Variants in STK4 observed in about 807,000 individuals in gnomAD.
STK4 encodes the protein serine/threonine kinase 4.
STK4 carries 30 observed loss-of-function variants against 64.9 expected under a neutral mutation model. The observed-to-expected ratio is 0.46, with a 90% CI of 0.35 to 0.63. STK4 has a LOEUF of 0.63. STK4 is among the 20% of genes least tolerant of loss of function. The pLI is 0.01. For missense variants in STK4, 466 were observed against 598.5 expected, an observed-to-expected ratio of 0.78 and a Z score of 2.31; for synonymous variants, 177 against 199.0, an observed-to-expected ratio of 0.89 and a Z score of 0.93.
rs1022783173 is a variant in STK4 at position 45,077,129 on chromosome 20, C to A, written c.*1953C>A. 1 of 152,126 alleles carries A rather than the reference C, an allele frequency of 6.6e-6. No individual in the cohort carries two copies. Among genetic ancestry groups the A allele is most frequent in the African/African-American group, 2.4e-5 (1 of 41,424 alleles). The allele number at this position is 152,126 out of a possible 1,614,324, so 9.4% of individuals were successfully genotyped here. On this transcript the variant is annotated 3_prime_UTR_variant, in exon 11 of 11. Coordinates refer to ENST00000372806, the MANE Select transcript of STK4 (RefSeq NM_006282.5). ...AGAAAGATTCCTTCCCAAGGTCATGCAGCTAGTAAATGATAGAATCAGGAT... is the reference window on the plus strand; with the variant it reads ...AGAAAGATTCCTTCCCAAGGTCATGAAGCTAGTAAATGATAGAATCAGGAT...
At chr20:45,011,643 A>C (rs1402098207) in intron 9 of STK4, among the ~76,000 whole-genome samples, 4 of 148,818 alleles carry the variant, frequency 2.7e-5, no homozygotes, top group African/African-American at 7.4e-5. Flanking sequence ...ATAACTGAAT[A>C]AATTTTTTAA....
chr20:45,006,140 C>G lies in STK4; in HGVS notation c.1147+4787C>G, dbSNP rs553901587. Among the ~76,000 whole-genome samples, 23 of 151,164 alleles carry G rather than the reference C, an allele frequency of 1.5e-4. 1 individual carries two copies. In the South Asian group the frequency reaches 4.2e-3, roughly 27 times the overall value. ...CTCTGTACTTTTCAATCTAAGGACC[C>G]AGGACTTTATTCAGTTTTAGAAAAT... On this transcript the variant is annotated intron_variant, in intron 9 of 10. Coordinates refer to ENST00000372806, the MANE Select transcript of STK4 (RefSeq NM_006282.5).
At position 44,989,152 on chromosome 20, in the gene STK4, A is replaced by T. The variant is rs532873192; in HGVS notation, c.525+1856A>T. Among the ~76,000 whole-genome samples the T allele has an allele frequency of 1.2e-4, 18 of 152,314 alleles. 1 individual carries two copies. The East Asian group carries it at 3.5e-3, about 29-fold the overall frequency. On this transcript the variant is annotated intron_variant, in intron 5 of 10. Transcript: ENST00000372806. ...GTGATACACAGAGTTGCTGGATCAC[A>T]TGGTAACTCTGTGTTTAATTTTTTA...
chr20:45,060,330 C>G (rs1978881312), intron 10 of STK4, among the ~76,000 whole-genome samples: 1 of 152,218 alleles, frequency 6.6e-6, no homozygotes. Flanking sequence ...GATTAGTTCT[C>G]TGTATCTCAA....
In STK4 at chr20:45,062,297, G is replaced by A. The variant is rs547054902; in HGVS notation, c.1306-12721G>A. Among the ~76,000 whole-genome samples, 4 of 152,208 alleles carry A rather than the reference G, an allele frequency of 2.6e-5. No homozygotes were observed. The East Asian group carries it at 7.7e-4, about 29-fold the overall frequency. Reference sequence around the variant, plus strand: ...TTTTTATGGCTACACAGCATTCCATGGTGTATATGGACCATATTTTCTTTA... The same window carrying A: ...TTTTTATGGCTACACAGCATTCCATAGTGTATATGGACCATATTTTCTTTA... On this transcript the variant is annotated intron_variant, in intron 10 of 10. Transcript: ENST00000372806.
In STK4 at chr20:45,076,275, A is replaced by G. The variant is rs1980506029; in HGVS notation, c.*1099A>G. ...GAACACACAGAATGTCAGAGCTGGA[A>G]GGGACTATAGAGATCATCTGATCTG... On this transcript the variant is annotated 3_prime_UTR_variant, in exon 11 of 11. Transcript: ENST00000372806. This position sits in a 1 kb window ranked among gnomAD's most constrained non-coding sequence, Gnocchi z 4.0. The G allele has an allele frequency of 6.6e-6, 1 of 152,206 alleles. No individual in the cohort carries two copies. The highest frequency in any genetic ancestry group is 1.5e-5 in the Non-Finnish European group (1 of 68,042). 9.4% of individuals were successfully genotyped at this position (152,206 alleles called of 1,614,324 possible).
chr20:45,021,206 T>C (rs964843264), intron 9 of STK4, among the ~76,000 whole-genome samples: 1 of 152,156 alleles, frequency 6.6e-6, no homozygotes, highest in African/African-American at 2.4e-5. Context: ...CCCAGAGTCA[T>C]TGTGAGAGGG....
intron 5 of STK4, among the ~76,000 whole-genome samples, chr20:44,990,295 A>G (rs1411710511): frequency 6.6e-6 from 1 of 151,722 alleles, no homozygotes; most frequent in African/African-American, 2.4e-5. Context: ...GTACTTTTTG[A>G]TACTATTTTA....
intron 10 of STK4, among the ~76,000 whole-genome samples, chr20:45,032,627 A>G (rs1333806804): frequency 6.6e-6 from 1 of 152,194 alleles, no homozygotes; most frequent in East Asian, 1.9e-4. Flanking sequence ...GCTGTGTAGT[A>G]TACCATGTCA....
At chr20:44,985,997 T>C (rs1366576361) in intron 4 of STK4, among the ~76,000 whole-genome samples, 1 of 152,212 alleles carries the variant, frequency 6.6e-6, no homozygotes, top group Non-Finnish European at 1.5e-5. Context: ...AGAAAGTCTA[T>C]ATTGGCCAGA....
At chr20:44,988,533 G>GTGTATATATATATATATATATA (rs1221720136) in intron 5 of STK4, among the ~76,000 whole-genome samples, 12 of 101,574 alleles carry the variant, frequency 1.2e-4, no homozygotes, top group African/African-American at 5.7e-4. Flanking sequence ...ATGTGTGTGT[G>GTGTATATATATATATATATATA]TATATATATA....
chr20:45,042,274 G>GT (rs141937707), intron 10 of STK4, among the ~76,000 whole-genome samples: 3,800 of 150,466 alleles, frequency 0.025, 135 homozygotes, highest in African/African-American at 0.082. Flanking sequence ...TTTACCTCCT[G>GT]TTTTTTTTTC....
chr20:44,988,523 A>ATGTGTGTGTGTGTGTGTGTGTGTGTG (rs371237761), intron 5 of STK4, among the ~76,000 whole-genome samples: 5 of 108,596 alleles, frequency 4.6e-5, no homozygotes, highest in Non-Finnish European at 8.5e-5. Flanking sequence ...GTGTATATAT[A>ATGTGTGTGTGTGTGTGTGTGTGTGTG]TGTGTGTGTG....
At chr20:44,996,704 T>C (rs1031550870) in intron 6 of STK4, among the ~76,000 whole-genome samples, 74 of 152,166 alleles carry the variant, frequency 4.9e-4, no homozygotes, top group Admixed American at 3.9e-3. Flanking sequence ...TAGCTTACTT[T>C]GGAAGTTAAT....
At chr20:44,995,370 C>A in intron 6 of STK4, 113 bp downstream of exon 6, 1 of 1,287,666 alleles carries the variant, frequency 7.8e-7, no homozygotes, top group Non-Finnish European at 1.0e-6. Flanking sequence ...CTTTGGGAGG[C>A]TGAGGTGGAT....
intron 1 of STK4, among the ~76,000 whole-genome samples, chr20:44,969,869 G>C (rs2067213787): frequency 6.6e-6 from 1 of 152,150 alleles, no homozygotes. Flanking sequence ...TATTTTTATA[G>C]AAATGTTGAT....
At chr20:45,023,695 A>G (rs753427847) in intron 9 of STK4, among the ~76,000 whole-genome samples, 2 of 152,006 alleles carry the variant, frequency 1.3e-5, no homozygotes, top group Admixed American at 6.5e-5. Flanking sequence ...TCTTGTTACT[A>G]ATAACTAATA....
At chr20:45,043,568 G>T (rs1021277618) in intron 10 of STK4, among the ~76,000 whole-genome samples, 3 of 152,172 alleles carry the variant, frequency 2.0e-5, no homozygotes, top group Admixed American at 2.0e-4. Context: ...GAGTTAAATG[G>T]AGTAATGCAC....
At chr20:44,983,562 CT>C (rs1462754156) in intron 4 of STK4, among the ~76,000 whole-genome samples, 5 of 152,058 alleles carry the variant, frequency 3.3e-5, no homozygotes, top group Non-Finnish European at 7.4e-5. Context: ...GTTAAGGCTG[CT>C]GTAAGCTGTG....
Sources: allele counts gnomAD v4.1 joint callset (sites outside exome capture counted in the v4.1 genomes callset), GRCh38; gene constraint gnomAD v4.1.1; non-coding constraint Gnocchi (gnomAD v3.1); transcripts MANE v1.5; gene names NCBI Gene and HGNC (gene_info 2026-07-23, HGNC 2026-07-21).